TTF2: variants seen among roughly 807,000 people sequenced by gnomAD.
The protein encoded by TTF2 is RNA polymerase II termination factor.
A neutral mutation model predicts 142.4 loss-of-function variants in TTF2; 108 were observed. The ratio of observed to expected loss-of-function variants is 0.76; its 90% CI spans 0.65 to 0.89. The LOEUF is 0.89. Ranked by LOEUF, TTF2 falls within the 40% of genes least tolerant of loss-of-function variation. The pLI, the probability that TTF2 is intolerant of heterozygous loss-of-function variation, is 0.00. For synonymous variants in TTF2, 483 were observed against 506.2 expected (o/e 0.95, Z 0.61); for missense variants, 1,327 against 1,379.8 (o/e 0.96, Z 0.61).
intron 3 of TTF2, among the ~76,000 whole-genome samples, chr1:117,066,913 G>T (rs1570794271): frequency 6.6e-6 from 1 of 152,116 alleles, no homozygotes; most frequent in South Asian, 2.1e-4. Context: ...ATGTTGGCCA[G>T]GCTGGTCTCA....
Position 117,088,957 on chromosome 1 carries a change from T to G in TTF2, c.2317T>G (p.Leu773Val), listed in dbSNP as rs754356695. ...CACTGGAACCCCCATTCAAAACAAC[T>G]TATTGGATATGTATTCGCTGCTGAA... ...AVTGTPIQNN[L>V]LDMYSLLKFL... The change falls in exon 13 of 23, where the codon TTA (leucine) becomes GTA (valine). Residue 773 changes from leucine to valine, a missense_variant. By Grantham distance (32) the Leu-to-Val change is conservative. Transcript: ENST00000369466. The G allele has an allele frequency of 6.2e-7, 1 of 1,612,944 alleles. No homozygotes were observed. The highest frequency in any genetic ancestry group is 1.7e-5 in the Admixed American group (1 of 59,732).
rs1647576783 is a variant in TTF2 at position 117,082,175 on chromosome 1, G to C, written c.1903+228G>C. 20 of 539,084 alleles carry C rather than the reference G, an allele frequency of 3.7e-5. No homozygotes were observed. In the South Asian group the frequency reaches 3.9e-4, roughly 11 times the overall value. 33.4% of individuals were successfully genotyped at this position (539,084 alleles called of 1,614,324 possible). On this transcript the variant is annotated intron_variant, in intron 10 of 22. Coordinates refer to ENST00000369466, the MANE Select transcript of TTF2 (RefSeq NM_003594.4). ...CCTATAAACTAGGCAGAATTTTATG[G>C]AGAAAGCTGAGGCTCTAGAACACTT...
At chr1:117,071,062 T>A in intron 3 of TTF2, among the ~76,000 whole-genome samples, 1 of 151,532 alleles carries the variant, frequency 6.6e-6, no homozygotes, top group Non-Finnish European at 1.5e-5. Flanking sequence ...ATTTAATGAG[T>A]TAGAAAGCAG....
chr1:117,075,046 G>A lies in TTF2; in HGVS notation c.462G>A (p.Lys154=), dbSNP rs899600474. The change falls in exon 5 of 23, where the codon AAG becomes AAA. Residue 154 remains lysine (K), a synonymous_variant. Coordinates refer to ENST00000369466, the MANE Select transcript of TTF2 (RefSeq NM_003594.4). The surrounding 1 kb of genome is among the most constrained non-coding windows in gnomAD (Gnocchi z 4.5). ...GTGAGGAAAAGAAGGCTGATAAGAA[G>A]CAAAGAGAAAAGGGAGATCAGCTTT... ...GEGEEKKADK[K]QREKGDQLFD... is the part of the protein sequence containing the mutation. 2.5e-6 allele frequency: 4 copies of A among 1,613,870 alleles called. No homozygotes were observed. Among genetic ancestry groups the A allele is most frequent in the Middle Eastern group, 3.3e-4 (2 of 6,082 alleles).
At chr1:117,064,174 TG>T (rs945450688) in intron 3 of TTF2, among the ~76,000 whole-genome samples, 1 of 152,160 alleles carries the variant, frequency 6.6e-6, no homozygotes, top group African/African-American at 2.4e-5. Context: ...TAGAGTTCTT[TG>T]TAAATTCTCT....
chr1:117,092,822 C>G lies in TTF2; in HGVS notation c.2897C>G (p.Ser966Ter). 6.2e-7 allele frequency: 1 copy of G among 1,614,200 alleles called. No homozygotes were observed. Among genetic ancestry groups the G allele is most frequent in the Non-Finnish European group, 8.5e-7 (1 of 1,180,036 alleles). ...SALTLSELRD[S>*]EPSSTVSLNG... ...TTGACCTTGTCAGAACTCCGTGACT[C>G]AGAGCCATCTTCCACTGTTTCCCTT... Residue 966 changes from serine (S) to a stop codon, truncating the protein, a stop_gained, in exon 18 of 23, where the codon TCA (serine) becomes TGA (stop). Transcript: ENST00000369466. LOFTEE classifies it high-confidence loss of function. The surrounding 1 kb of genome is among the most constrained non-coding windows in gnomAD (Gnocchi z 4.4).
At chr1:117,095,497 C>T in intron 19 of TTF2, 130 bp downstream of exon 19, 2 of 748,658 alleles carry the variant, frequency 2.7e-6, no homozygotes, top group East Asian at 5.3e-5. Flanking sequence ...GCACACATTC[C>T]CTGTGATTTC....
rs191646013 is a variant in TTF2, at chr1:117,063,786, C to A, written c.218+1313C>A. On this transcript the variant is annotated intron_variant, in intron 3 of 22. Transcript: ENST00000369466. The surrounding 1 kb of genome is among the most constrained non-coding windows in gnomAD (Gnocchi z 4.1). Reference sequence around the variant, plus strand: ...TTTATCCAGTTTCCCCCAATGGTAACGTTTGCAAGGCTTAGAAATATATCA... The same window carrying A: ...TTTATCCAGTTTCCCCCAATGGTAAAGTTTGCAAGGCTTAGAAATATATCA... 6.6e-6 allele frequency among the ~76,000 whole-genome samples: 1 copy of A among 152,238 alleles called. No individual in the cohort carries two copies. Among genetic ancestry groups the A allele is most frequent in the East Asian group, 1.9e-4 (1 of 5,184 alleles).
chr1:117,097,271 G>C lies in TTF2; in HGVS notation c.3187-80G>C. Reference sequence around the variant, plus strand: ...TAGGAACACAGTGCTTATCTGTATTGATTGTGGACTTAAACCTGAGACCGA... The same window carrying C: ...TAGGAACACAGTGCTTATCTGTATTCATTGTGGACTTAAACCTGAGACCGA... On this transcript the variant is annotated intron_variant, in intron 20 of 22. Coordinates refer to ENST00000369466, the MANE Select transcript of TTF2 (RefSeq NM_003594.4). This position sits in a 1 kb window ranked among gnomAD's most constrained non-coding sequence, Gnocchi z 4.1. 8.2e-7 allele frequency: 1 copy of C among 1,226,958 alleles called. No individual in the cohort carries two copies. The highest frequency in any genetic ancestry group is 1.2e-6 in the Non-Finnish European group (1 of 828,546). 76.0% of individuals were successfully genotyped at this position (1,226,958 alleles called of 1,614,324 possible). A position where few individuals can be genotyped will look rare whatever the true frequency, so the allele number is the denominator to read the frequency against.
Position 117,105,938 on chromosome 1 carries a change from A to C in TTF2, c.*4414A>C, listed in dbSNP as rs1183677257. ...TTTAGCAGGGCTCAAAGGTGAAGCC[A>C]GATTCTCCTGCACTAATAGGATAAG... On this transcript the variant is annotated 3_prime_UTR_variant, in exon 23 of 23. Coordinates refer to ENST00000369466, the MANE Select transcript of TTF2 (RefSeq NM_003594.4). The surrounding 1 kb of genome is among the most constrained non-coding windows in gnomAD (Gnocchi z 4.7). The C allele has an allele frequency of 6.6e-6, 1 of 152,220 alleles. No individual in the cohort carries two copies. Among genetic ancestry groups the C allele is most frequent in the Non-Finnish European group, 1.5e-5 (1 of 68,054 alleles). The allele number at this position is 152,220 out of a possible 1,614,324, so 9.4% of individuals were successfully genotyped here.
rs1336307252 is a variant in TTF2, at chr1:117,106,010, T to C, written c.*4486T>C. 3.3e-5 allele frequency: 5 copies of C among 152,216 alleles called. No individual in the cohort carries two copies. Among genetic ancestry groups the C allele is most frequent in the African/African-American group, 1.2e-4 (5 of 41,460 alleles). 9.4% of individuals were successfully genotyped at this position (152,216 alleles called of 1,614,324 possible). Reference sequence around the variant, plus strand: ...TGTGGCCTCTGGTTGTCTGAAATTTTGCTGTCAACTCTAATACCTTGAAAG... The same window carrying C: ...TGTGGCCTCTGGTTGTCTGAAATTTCGCTGTCAACTCTAATACCTTGAAAG... On this transcript the variant is annotated 3_prime_UTR_variant, in exon 23 of 23. Transcript: ENST00000369466.
At position 117,090,427 on chromosome 1, in the gene TTF2, C is replaced by T. The variant is rs1570863572; in HGVS notation, c.2497-105C>T. On this transcript the variant is annotated intron_variant, in intron 14 of 22. Transcript: ENST00000369466. This position sits in a 1 kb window ranked among gnomAD's most constrained non-coding sequence, Gnocchi z 4.8. Reference sequence around the variant, plus strand: ...TGTGTCTAAGAAAGGGTGGAAGCTGCATTCCAGGGTTGACTAGATATGCAG... The same window carrying T: ...TGTGTCTAAGAAAGGGTGGAAGCTGTATTCCAGGGTTGACTAGATATGCAG... 8.3e-7 allele frequency: 1 copy of T among 1,211,112 alleles called. No individual in the cohort carries two copies. Among genetic ancestry groups the T allele is most frequent in the East Asian group, 2.4e-5 (1 of 41,528 alleles). 75.0% of individuals were successfully genotyped at this position (1,211,112 alleles called of 1,614,324 possible).
intron 4 of TTF2, 49 bp from the exon 5 acceptor site, chr1:117,074,821 C>A: frequency 6.9e-7 from 1 of 1,458,976 alleles, no homozygotes; most frequent in Non-Finnish European, 9.1e-7. Context: ...ATTCTAGATA[C>A]GAAGTTTGTA....
intron 3 of TTF2, among the ~76,000 whole-genome samples, chr1:117,067,878 G>C (rs997959127): frequency 6.6e-6 from 1 of 152,242 alleles, no homozygotes; most frequent in Non-Finnish European, 1.5e-5. Flanking sequence ...GTAATAGAAG[G>C]GAGGTGTAAA....
Position 117,097,578 on chromosome 1 carries a change from A to G in TTF2, c.3269+145A>G. 1.3e-6 allele frequency: 1 copy of G among 778,306 alleles called. No individual in the cohort carries two copies. Among genetic ancestry groups the G allele is most frequent in the Non-Finnish European group, 2.2e-6 (1 of 452,454 alleles). 48.2% of individuals were successfully genotyped at this position (778,306 alleles called of 1,614,324 possible). ...GCTTTGTATGTGTCTATAGATACAG[A>G]TCTAAGCAGGGTATAGGGCTAGCTG... is the stretch of plus-strand genomic sequence containing the variant. On this transcript the variant is annotated intron_variant, in intron 21 of 22. Coordinates refer to ENST00000369466, the MANE Select transcript of TTF2 (RefSeq NM_003594.4). The surrounding 1 kb of genome is among the most constrained non-coding windows in gnomAD (Gnocchi z 4.1).
At chr1:117,068,797 C>G (rs1218838345) in intron 3 of TTF2, among the ~76,000 whole-genome samples, 1 of 152,178 alleles carries the variant, frequency 6.6e-6, no homozygotes, top group Non-Finnish European at 1.5e-5. Context: ...TGAAGGACCA[C>G]TGAATAAAGC....
rs143381312 is a variant in TTF2 at position 117,073,768 on chromosome 1, A to G, written c.285+41A>G. 1 of 1,577,708 alleles carries G rather than the reference A, an allele frequency of 6.3e-7. No homozygotes were observed. The highest frequency in any genetic ancestry group is 8.7e-7 in the Non-Finnish European group (1 of 1,150,008). ...CTGTTTTCAAACCTGCTGTGTTAAG[A>G]CTTTTAATATGCAGCATCACCTGAA... On this transcript the variant is annotated intron_variant, in intron 4 of 22. Coordinates refer to ENST00000369466, the MANE Select transcript of TTF2 (RefSeq NM_003594.4). This position sits in a 1 kb window ranked among gnomAD's most constrained non-coding sequence, Gnocchi z 4.4.
intron 20 of TTF2, 124 bp downstream of exon 20, chr1:117,096,423 G>A (rs1649155063): frequency 7.9e-7 from 1 of 1,258,378 alleles, no homozygotes; most frequent in African/African-American, 1.5e-5. Flanking sequence ...TGTTGCCCAG[G>A]CTGGACTGCA....
At chr1:117,068,095 C>A (rs1570797463) in intron 3 of TTF2, among the ~76,000 whole-genome samples, 1 of 152,166 alleles carries the variant, frequency 6.6e-6, no homozygotes, top group Non-Finnish European at 1.5e-5. Flanking sequence ...ATGTGGTACA[C>A]CCTGGTATAC....
Sources: allele counts gnomAD v4.1 joint callset (sites outside exome capture counted in the v4.1 genomes callset), GRCh38; gene constraint gnomAD v4.1.1; non-coding constraint Gnocchi (gnomAD v3.1); transcripts MANE v1.5; gene names NCBI Gene and HGNC (gene_info 2026-07-23, HGNC 2026-07-21).